LRRC63: variants seen among roughly 807,000 people sequenced by gnomAD.
LRRC63 encodes the protein leucine rich repeat containing 63, also known as leucine-rich repeat-containing protein 63.
LRRC63 carries 40 observed loss-of-function variants against 49.5 expected under a neutral mutation model. That is an observed-to-expected ratio of 0.81 (90% CI 0.63 to 1.05). LRRC63 has a LOEUF of 1.05. LRRC63 is among the 50% of genes least tolerant of loss of function. LRRC63 has a pLI of 0.00. For missense variants in LRRC63, 636 were observed against 663.1 expected (o/e 0.96, Z 0.45); for synonymous variants, 191 against 221.1 (o/e 0.86, Z 1.21).
chr13:46,253,593 A>T (rs2047438858), intron 7 of LRRC63, among the ~76,000 whole-genome samples: 1 of 152,138 alleles, frequency 6.6e-6, no homozygotes, highest in South Asian at 2.1e-4. Context: ...ATATTCATGC[A>T]GTGGGAATAA....
At chr13:46,255,833 G>GT (rs1350004336) in intron 7 of LRRC63, among the ~76,000 whole-genome samples, 1 of 151,914 alleles carries the variant, frequency 6.6e-6, no homozygotes, top group Admixed American at 6.6e-5. Flanking sequence ...AAGATATGGG[G>GT]TATTCCCATT....
chr13:46,252,171 G>T (rs1303878342), intron 7 of LRRC63, among the ~76,000 whole-genome samples: 2 of 151,934 alleles, frequency 1.3e-5, no homozygotes, highest in Non-Finnish European at 2.9e-5. Flanking sequence ...TGCAAAGTTT[G>T]TTCAATGAAA....
chr13:46,227,629 T>C, exon 3 of LRRC63: 1 of 1,550,172 alleles, frequency 6.5e-7, no homozygotes, highest in East Asian at 2.4e-5. Flanking sequence ...CTAACACCTA[T>C]CAATATCCAA....
chr13:46,254,905 A>C (rs1190868873), intron 7 of LRRC63, among the ~76,000 whole-genome samples: 1 of 152,216 alleles, frequency 6.6e-6, no homozygotes, highest in Non-Finnish European at 1.5e-5. Context: ...TGTCCATAGC[A>C]GTTTTATCTG....
At chr13:46,241,594 G>A (rs1210787054) in intron 5 of LRRC63, among the ~76,000 whole-genome samples, 2 of 151,690 alleles carry the variant, frequency 1.3e-5, no homozygotes, top group African/African-American at 2.4e-5. Flanking sequence ...CCTAATATCC[G>A]GCATTTATAA....
chr13:46,223,237 A>C (rs1418178616), intron 2 of LRRC63, among the ~76,000 whole-genome samples: 1 of 151,998 alleles, frequency 6.6e-6, no homozygotes, highest in Non-Finnish European at 1.5e-5. Context: ...AAAAAGAAAA[A>C]AAATATAAAA....
intron 2 of LRRC63, among the ~76,000 whole-genome samples, chr13:46,220,096 A>G (rs2046361716): frequency 6.6e-6 from 1 of 152,180 alleles, no homozygotes; most frequent in Non-Finnish European, 1.5e-5. Context: ...GACCCACTTG[A>G]GGAGGCAGTC....
intron 7 of LRRC63, among the ~76,000 whole-genome samples, chr13:46,260,856 C>A (rs1361147369): frequency 6.6e-6 from 1 of 152,148 alleles, no homozygotes; most frequent in Admixed American, 6.5e-5. Context: ...TCATGAGGAC[C>A]TTTATATGCC....
At chr13:46,224,569 T>C (rs1191172970) in intron 2 of LRRC63, among the ~76,000 whole-genome samples, 1 of 152,210 alleles carries the variant, frequency 6.6e-6, no homozygotes, top group African/African-American at 2.4e-5. Context: ...TTCAGCAACT[T>C]CTTTTTGATT....
chr13:46,218,118 T>C (rs9534355), intron 2 of LRRC63, among the ~76,000 whole-genome samples: 72,700 of 151,326 alleles, frequency 0.48, 18,950 homozygotes, highest in African/African-American at 0.67. Flanking sequence ...CTATTAGGTC[T>C]TCTTGGTCCA....
intron 7 of LRRC63, among the ~76,000 whole-genome samples, chr13:46,252,373 T>G (rs1324244439): frequency 6.6e-6 from 1 of 152,032 alleles, no homozygotes; most frequent in Non-Finnish European, 1.5e-5. Context: ...ATTTGAGATA[T>G]TCTGGCTCCA....
At chr13:46,272,703 G>A (rs920672416) in intron 9 of LRRC63, among the ~76,000 whole-genome samples, 5 of 152,196 alleles carry the variant, frequency 3.3e-5, no homozygotes, top group African/African-American at 1.2e-4. Context: ...CAGTCAGAGA[G>A]TGGTAAAATA....
intron 8 of LRRC63, among the ~76,000 whole-genome samples, chr13:46,265,206 A>C (rs185654568): frequency 2.2e-3 from 330 of 152,098 alleles, no homozygotes; most frequent in African/African-American, 7.6e-3. Context: ...GAACTCATTG[A>C]GGGGAAGGAG....
chr13:46,268,692 A>G (rs2047714223), intron 9 of LRRC63, among the ~76,000 whole-genome samples: 1 of 151,708 alleles, frequency 6.6e-6, no homozygotes. Flanking sequence ...CTCACAATAA[A>G]TTTTCACCAA....
intron 9 of LRRC63, among the ~76,000 whole-genome samples, chr13:46,269,330 G>A (rs1362216569): frequency 1.3e-5 from 2 of 152,090 alleles, no homozygotes; most frequent in African/African-American, 4.8e-5. Flanking sequence ...TCAACCAATG[G>A]AAGAGAAAAC....
At chr13:46,257,552 G>A (rs1395285297) in intron 7 of LRRC63, among the ~76,000 whole-genome samples, 1 of 152,150 alleles carries the variant, frequency 6.6e-6, no homozygotes, top group African/African-American at 2.4e-5. Context: ...ATGTGAGAAG[G>A]TAATAAGTGA....
intron 7 of LRRC63, among the ~76,000 whole-genome samples, chr13:46,252,487 G>A (rs563847703): frequency 6.6e-6 from 1 of 152,180 alleles, no homozygotes; most frequent in Admixed American, 6.6e-5. Context: ...AGATGTTCAT[G>A]AAGCATCTAT....
rs543604546 is a variant in LRRC63, at chr13:46,234,946, C to T, written c.990+597C>T. Among the ~76,000 whole-genome samples, 8 of 152,094 alleles carry T rather than the reference C, an allele frequency of 5.3e-5. No individual in the cohort carries two copies. In the South Asian group the frequency reaches 1.7e-3, roughly 32 times the overall value. The stretch of plus-strand genomic sequence containing the variant: ...AGTTTTATTTTGAAATAAGTTCTAA[C>T]TCATAGAAAAGTTGTAAAAATAGGA... On this transcript the variant is annotated intron_variant, in intron 5 of 9. Coordinates refer to ENST00000595396, the Ensembl canonical transcript of LRRC63.
chr13:46,229,701 CTT>C (rs1262942490), intron 4 of LRRC63, among the ~76,000 whole-genome samples: 3 of 152,144 alleles, frequency 2.0e-5, no homozygotes, highest in Admixed American at 6.6e-5. Context: ...TGGAGTATCA[CTT>C]TAGCCCAGGA....
Sources: gnomAD v4.1 joint callset for allele counts (sites outside exome capture counted in the v4.1 genomes callset) on GRCh38, gnomAD v4.1.1 for gene constraint, MANE v1.5 for transcripts, NCBI Gene and HGNC (gene_info 2026-07-23, HGNC 2026-07-21) for gene names.